Variants in VSNL1 observed in about 807,000 individuals in gnomAD.
VSNL1 encodes visinin-like protein 1.
In VSNL1, 6 loss-of-function variants were observed where a neutral mutation model predicts 20.4. That is an observed-to-expected ratio of 0.29 (90% confidence interval 0.16 to 0.58). The LOEUF (loss-of-function observed/expected upper bound fraction) is 0.58, where lower values mean the gene tolerates loss of function less well. VSNL1 is among the 20% of genes least tolerant of loss of function. The probability of loss-of-function intolerance (pLI) is 0.90; values close to 1 mark genes in which losing one functional copy is unlikely to be tolerated. For missense variants in VSNL1, 100 were observed against 234.5 expected, an observed-to-expected ratio of 0.43 and a Z score of 3.75; for synonymous variants, 93 against 86.4, an observed-to-expected ratio of 1.08 and a Z score of -0.42.
At chr2:17,548,372 T>G (rs1663447947) in intron 1 of VSNL1, among the ~76,000 whole-genome samples, 1 of 152,132 alleles carries the variant, frequency 6.6e-6, no homozygotes, top group Non-Finnish European at 1.5e-5. Flanking sequence ...AAAAAGGACA[T>G]CTTTTTCTCT....
Position 17,634,714 on chromosome 2 carries a change from G to C in VSNL1, c.163-14696G>C, listed in dbSNP as rs982615551. Reference sequence around the variant, plus strand: ...TTTTTGTATGTTCGTTTTTTGTTTTGCTGAGATCACAACTGCCAAAGAAGA... The same window carrying C: ...TTTTTGTATGTTCGTTTTTTGTTTTCCTGAGATCACAACTGCCAAAGAAGA... On this transcript the variant is annotated intron_variant, in intron 2 of 3. Transcript: ENST00000295156. The surrounding 1 kb of genome is among the most constrained non-coding windows in gnomAD (Gnocchi z 4.3). 1.3e-5 allele frequency among the ~76,000 whole-genome samples: 2 copies of C among 151,954 alleles called. No individual in the cohort carries two copies. The highest frequency in any genetic ancestry group is 1.3e-4 in the Admixed American group (2 of 15,270).
chr2:17,624,584 G>T (rs1261033039), intron 2 of VSNL1, among the ~76,000 whole-genome samples: 1 of 152,196 alleles, frequency 6.6e-6, no homozygotes, highest in Non-Finnish European at 1.5e-5. Context: ...AGAAGGGAAG[G>T]TTGGAGTGAC....
chr2:17,569,842 T>C (rs1304880463), intron 1 of VSNL1, among the ~76,000 whole-genome samples: 2 of 152,212 alleles, frequency 1.3e-5, no homozygotes, highest in Non-Finnish European at 2.9e-5. Flanking sequence ...TTTAAGACCA[T>C]TTTAGAATTT....
chr2:17,582,751 T>C (rs1664380147), intron 1 of VSNL1, among the ~76,000 whole-genome samples: 1 of 151,740 alleles, frequency 6.6e-6, no homozygotes, highest in Admixed American at 6.6e-5. Flanking sequence ...GAGTTTGATG[T>C]GGTGGTAGAA....
At chr2:17,600,600 T>G (rs921275062) in intron 2 of VSNL1, among the ~76,000 whole-genome samples, 2 of 152,234 alleles carry the variant, frequency 1.3e-5, no homozygotes, top group Non-Finnish European at 2.9e-5. Flanking sequence ...GGATTCAGAT[T>G]CTGTTTGTTA....
At chr2:17,570,655 T>G (rs1266958376) in intron 1 of VSNL1, among the ~76,000 whole-genome samples, 1 of 152,242 alleles carries the variant, frequency 6.6e-6, no homozygotes, top group Non-Finnish European at 1.5e-5. Context: ...TTACCTACAT[T>G]ATTTCTAATT....
intron 2 of VSNL1, among the ~76,000 whole-genome samples, chr2:17,596,032 C>T (rs114660183): frequency 6.6e-6 from 1 of 152,192 alleles, no homozygotes; most frequent in African/African-American, 2.4e-5. Context: ...TTCTCTTGGA[C>T]TTCCAGCTTC....
At chr2:17,639,913 G>A (rs1665845247) in intron 2 of VSNL1, among the ~76,000 whole-genome samples, 1 of 152,166 alleles carries the variant, frequency 6.6e-6, no homozygotes, top group African/African-American at 2.4e-5. Context: ...AAAGGTCCCA[G>A]CCCAGCAGCC....
At chr2:17,561,048 A>C (rs1200238273) in intron 1 of VSNL1, among the ~76,000 whole-genome samples, 1 of 152,230 alleles carries the variant, frequency 6.6e-6, no homozygotes, top group East Asian at 1.9e-4. Flanking sequence ...CCAACTCAAC[A>C]GTTCAAACAT....
At chr2:17,610,524 T>C (rs1387102752) in intron 2 of VSNL1, among the ~76,000 whole-genome samples, 1 of 152,202 alleles carries the variant, frequency 6.6e-6, no homozygotes, top group Admixed American at 6.5e-5. Flanking sequence ...TCTTTTTTTT[T>C]TCTTGCTAAG....
At chr2:17,559,408 CA>C (rs200239619) in intron 1 of VSNL1, among the ~76,000 whole-genome samples, 13 of 126,900 alleles carry the variant, frequency 1.0e-4, no homozygotes, top group Non-Finnish European at 1.7e-4. Context: ...TAAAAACCAG[CA>C]AAAAAAAAAA....
rs1327341185 is a variant in VSNL1, at chr2:17,634,098, T to G, written c.163-15312T>G. ...GGGACTGGACTAAGCAGAGTGGCTT[T>G]CATCCTGGAGTGTGGGGGAGAAGGT... On this transcript the variant is annotated intron_variant, in intron 2 of 3. Coordinates refer to ENST00000295156, the MANE Select transcript of VSNL1 (RefSeq NM_003385.5). This position sits in a 1 kb window ranked among gnomAD's most constrained non-coding sequence, Gnocchi z 4.3. 6.6e-6 allele frequency among the ~76,000 whole-genome samples: 1 copy of G among 152,108 alleles called. No individual in the cohort carries two copies. The highest frequency in any genetic ancestry group is 1.5e-5 in the Non-Finnish European group (1 of 68,022).
intron 2 of VSNL1, among the ~76,000 whole-genome samples, chr2:17,644,239 G>C (rs557877949): frequency 6.6e-6 from 1 of 152,188 alleles, no homozygotes; most frequent in Non-Finnish European, 1.5e-5. Flanking sequence ...CAGCATCTAA[G>C]GGCACATGAG....
chr2:17,543,820 C>G (rs746274709), intron 1 of VSNL1, among the ~76,000 whole-genome samples: 1 of 152,212 alleles, frequency 6.6e-6, no homozygotes, highest in Non-Finnish European at 1.5e-5. Flanking sequence ...GCCTTCCTAC[C>G]TTCCTCCTGT....
chr2:17,618,012 A>G (rs1665260436), intron 2 of VSNL1, among the ~76,000 whole-genome samples: 2 of 152,156 alleles, frequency 1.3e-5, no homozygotes, highest in Non-Finnish European at 1.5e-5. Context: ...CCCAGAAAGC[A>G]GCAGTACCCG....
At position 17,642,309 on chromosome 2, in the gene VSNL1, C is replaced by CTTTTTTTTTTTTTTTTTTTTTTTTTTTTT. The variant is rs577471307; in HGVS notation, c.163-7084_163-7083insTTTTTTTTTTTTTTTTTTTTTTTTTTTTT. Among the ~76,000 whole-genome samples, 98 of 93,222 alleles carry CTTTTTTTTTTTTTTTTTTTTTTTTTTTTT rather than the reference C, an allele frequency of 1.1e-3. 18 individuals carry two copies. Among genetic ancestry groups the CTTTTTTTTTTTTTTTTTTTTTTTTTTTTT allele is most frequent in the African/African-American group, 1.6e-3 (41 of 26,172 alleles). 61.2% of individuals were successfully genotyped at this position (93,222 alleles called of 152,430 possible). A position where few individuals can be genotyped will look rare whatever the true frequency, so the allele number is the denominator to read the frequency against. ...CTGGCTTTTCCCATGGTGAGCATTC[C>CTTTTTTTTTTTTTTTTTTTTTTTTTTTTT]TTTTTTTTTTTTTTTTTGAGACAGA... On this transcript the variant is annotated intron_variant, in intron 2 of 3. Transcript: ENST00000295156.
chr2:17,593,852 C>A (rs927068229), intron 2 of VSNL1, among the ~76,000 whole-genome samples: 1 of 152,160 alleles, frequency 6.6e-6, no homozygotes, highest in African/African-American at 2.4e-5. Context: ...AATGTCATGT[C>A]TTCTATTTTA....
chr2:17,632,626 CT>C (rs1426870728), intron 2 of VSNL1, among the ~76,000 whole-genome samples: 2 of 152,120 alleles, frequency 1.3e-5, no homozygotes, highest in Middle Eastern at 3.2e-3. Flanking sequence ...AATAATAACT[CT>C]GAGTGGTAGG....
At chr2:17,643,541 G>GTGA (rs1228401253) in intron 2 of VSNL1, among the ~76,000 whole-genome samples, 1 of 152,152 alleles carries the variant, frequency 6.6e-6, no homozygotes, top group Non-Finnish European at 1.5e-5. Context: ...TCATTTAGCA[G>GTGA]ACATTTACTG....
Sources: allele counts gnomAD v4.1 joint callset (sites outside exome capture counted in the v4.1 genomes callset), GRCh38; gene constraint gnomAD v4.1.1; non-coding constraint Gnocchi (gnomAD v3.1); transcripts MANE v1.5; gene names NCBI Gene and HGNC (gene_info 2026-07-23, HGNC 2026-07-21).